Variants in FRMD6 observed in about 807,000 individuals in gnomAD.
FRMD6 encodes the protein FERM domain containing 6.
In FRMD6, 37 loss-of-function variants were observed where a neutral mutation model predicts 73.2. The observed-to-expected ratio is 0.51, with a 90% CI of 0.39 to 0.66. The LOEUF is 0.66. Among genes scored for constraint, FRMD6 ranks in the 30% least tolerant of loss-of-function variants. The pLI is 0.00. For synonymous variants in FRMD6, 273 were observed against 282.2 expected (o/e 0.97, Z 0.33); for missense variants, 714 against 780.5 (o/e 0.91, Z 1.02).
chr14:51,617,537 T>A (rs958150457), intron 2 of FRMD6, among the ~76,000 whole-genome samples: 2 of 152,188 alleles, frequency 1.3e-5, no homozygotes, highest in Non-Finnish European at 2.9e-5. Flanking sequence ...TAATATGATA[T>A]ATTGCTGCAC....
intron 3 of FRMD6, 79 bp from the exon 4 acceptor site, chr14:51,700,977 G>GA: frequency 1.5e-6 from 1 of 648,410 alleles, no homozygotes; most frequent in South Asian, 2.9e-5. Context: ...GGCTTTAAAA[G>GA]AAACTTGTTT....
chr14:51,430,735 A>C, the FRMD6 span, among the ~76,000 whole-genome samples: 1 of 152,212 alleles, frequency 6.6e-6, no homozygotes, highest in Non-Finnish European at 1.5e-5. Context: ...CAAAACATGA[A>C]CTGCATGGTG....
chr14:51,462,734 A>T, the FRMD6 span, among the ~76,000 whole-genome samples: 1 of 152,126 alleles, frequency 6.6e-6, no homozygotes, highest in African/African-American at 2.4e-5. Context: ...GACCCATAAG[A>T]TCAAGTGTCA....
chr14:51,467,684 C>T, the FRMD6 span, among the ~76,000 whole-genome samples: 3 of 151,900 alleles, frequency 2.0e-5, no homozygotes, highest in South Asian at 4.2e-4. Context: ...CCTCAGTTCC[C>T]AGATGGGGTC....
At chr14:51,492,750 A>G (rs1883090151) in intron 1 of FRMD6, among the ~76,000 whole-genome samples, 2 of 152,228 alleles carry the variant, frequency 1.3e-5, no homozygotes, top group African/African-American at 4.8e-5. Flanking sequence ...TCCTCTTTAC[A>G]TGTGATACAC....
intron 1 of FRMD6, among the ~76,000 whole-genome samples, chr14:51,666,730 G>A (rs571388472): frequency 6.6e-5 from 10 of 152,266 alleles, no homozygotes; most frequent in African/African-American, 9.6e-5. Flanking sequence ...TTGTCATTGC[G>A]TTAGTGATAA....
intron 2 of FRMD6, among the ~76,000 whole-genome samples, chr14:51,597,908 G>A (rs1409363346): frequency 2.0e-5 from 3 of 152,156 alleles, no homozygotes; most frequent in Non-Finnish European, 4.4e-5. Context: ...GTTTGGAGAA[G>A]TGTGGGAAGA....
At chr14:51,659,770 A>G (rs1893083095) in intron 1 of FRMD6, among the ~76,000 whole-genome samples, 1 of 152,158 alleles carries the variant, frequency 6.6e-6, no homozygotes, top group Non-Finnish European at 1.5e-5. Context: ...TCATGTGAGT[A>G]CTTCTGAAGA....
intron 1 of FRMD6, among the ~76,000 whole-genome samples, chr14:51,531,333 A>T (rs1256950232): frequency 1.3e-5 from 2 of 152,258 alleles, no homozygotes; most frequent in Non-Finnish European, 2.9e-5. Flanking sequence ...GAATAACTTT[A>T]ACATAATCAC....
intron 2 of FRMD6, among the ~76,000 whole-genome samples, chr14:51,621,514 CT>C (rs2139925565): frequency 6.6e-6 from 1 of 152,262 alleles, no homozygotes; most frequent in African/African-American, 2.4e-5. Flanking sequence ...CCTGAATGTC[CT>C]GCTGTTCCAC....
chr14:51,469,515 A>G, the FRMD6 span, among the ~76,000 whole-genome samples: 1 of 148,686 alleles, frequency 6.7e-6, no homozygotes, highest in South Asian at 2.2e-4. Flanking sequence ...CGGGAGGCTG[A>G]GGCAGGAGAA....
chr14:51,712,372 C>CT (rs1034394782), intron 8 of FRMD6, 111 bp from the exon 9 acceptor site: 8 of 676,362 alleles, frequency 1.2e-5, no homozygotes, highest in African/African-American at 7.4e-5. Flanking sequence ...GATGTGGGGG[C>CT]TTTTTTCAGA....
the FRMD6 span, among the ~76,000 whole-genome samples, chr14:51,443,420 C>A: frequency 6.6e-6 from 1 of 152,164 alleles, no homozygotes; most frequent in Non-Finnish European, 1.5e-5. Context: ...GATGAGGCAG[C>A]GTGTTAATTC....
At chr14:51,509,521 C>T (rs1884170652) in intron 1 of FRMD6, among the ~76,000 whole-genome samples, 1 of 134,812 alleles carries the variant, frequency 7.4e-6, no homozygotes, top group Non-Finnish European at 1.6e-5. Flanking sequence ...TGCGAGACTC[C>T]GTCTCAAAAA....
intron 7 of FRMD6, among the ~76,000 whole-genome samples, chr14:51,710,535 G>A (rs747044484): frequency 3.9e-5 from 6 of 152,100 alleles, no homozygotes; most frequent in Non-Finnish European, 7.4e-5. Flanking sequence ...TATGCTATAT[G>A]TGTTTTTCTT....
At chr14:51,497,967 C>A (rs757946717) in intron 1 of FRMD6, among the ~76,000 whole-genome samples, 1 of 152,160 alleles carries the variant, frequency 6.6e-6, no homozygotes, top group East Asian at 1.9e-4. Context: ...CTAGATTAAT[C>A]TTTACCCTGA....
In FRMD6 at chr14:51,711,542, A is replaced by G. The variant is rs375323449; in HGVS notation, c.726A>G (p.Glu242=). The G allele has an allele frequency of 7.5e-6, 12 of 1,603,216 alleles. No homozygotes were observed. The East Asian group carries it at 8.9e-5, about 12-fold the overall frequency. The stretch of plus-strand genomic sequence containing the variant: ...TCCTATTCCTACAGGATAAAAGGGA[A>G]ATTGAAGCATCGCTGACTCTTGGAT... The part of the protein sequence containing the change: ...HYYRLYKDKR[E]IEASLTLGLT... The change falls in exon 8 of 14, where the codon GAA becomes GAG. Residue 242 remains glutamate (E), a synonymous_variant. Coordinates refer to ENST00000344768, the MANE Select transcript of FRMD6 (RefSeq NM_001267046.2).
At chr14:51,500,343 A>G (rs1883539418) in intron 1 of FRMD6, among the ~76,000 whole-genome samples, 1 of 152,158 alleles carries the variant, frequency 6.6e-6, no homozygotes, top group African/African-American at 2.4e-5. Flanking sequence ...CTTGACCTAC[A>G]TGGTGAAACC....
At chr14:51,491,238 C>G (rs1433274576) in intron 1 of FRMD6, among the ~76,000 whole-genome samples, 4 of 152,226 alleles carry the variant, frequency 2.6e-5, no homozygotes, top group Non-Finnish European at 5.9e-5. Flanking sequence ...AACTCCTTAG[C>G]TGGACTGAGG....
Sources: gnomAD v4.1 joint callset for allele counts (sites outside exome capture counted in the v4.1 genomes callset) on GRCh38, gnomAD v4.1.1 for gene constraint, MANE v1.5 for transcripts, NCBI Gene and HGNC (gene_info 2026-07-23, HGNC 2026-07-21) for gene names.